KDR: variants seen among roughly 807,000 people sequenced by gnomAD.
The protein encoded by KDR is vascular endothelial growth factor receptor 2.
KDR carries 43 observed loss-of-function variants against 160.9 expected under a neutral mutation model. The observed-to-expected ratio is 0.27, with a 90% CI of 0.21 to 0.34. The LOEUF is 0.34. Ranked by LOEUF, KDR falls within the 10% of genes least tolerant of loss-of-function variation. KDR has a pLI of 1.00. For missense variants in KDR, 1,469 were observed against 1,666.4 expected (o/e 0.88, Z 2.06); for synonymous variants, 617 against 600.1 (o/e 1.03, Z -0.41).
At chr4:55,118,006 A>G (rs907921116) in intron 3 of KDR, among the ~76,000 whole-genome samples, 1 of 152,216 alleles carries the variant, frequency 6.6e-6, no homozygotes, top group Non-Finnish European at 1.5e-5. Flanking sequence ...ACATCCTAGA[A>G]AGATACAGCA....
At chr4:55,088,556 A>T (rs1719924682) in intron 26 of KDR, among the ~76,000 whole-genome samples, 1 of 152,194 alleles carries the variant, frequency 6.6e-6, no homozygotes, top group Non-Finnish European at 1.5e-5. Flanking sequence ...AATTTCTTCC[A>T]TTGTTGATCT....
intron 7 of KDR, among the ~76,000 whole-genome samples, chr4:55,111,573 G>C (rs1720583672): frequency 6.6e-6 from 1 of 152,064 alleles, no homozygotes; most frequent in African/African-American, 2.4e-5. Context: ...TTGGATAACT[G>C]CAATTAGCCT....
chr4:55,115,753 T>C (rs528325779), intron 3 of KDR, among the ~76,000 whole-genome samples: 3 of 152,240 alleles, frequency 2.0e-5, no homozygotes, highest in Non-Finnish European at 4.4e-5. Flanking sequence ...TTAATCATTA[T>C]AATTTTTTCA....
At chr4:55,111,949 C>T (rs1288022419) in intron 7 of KDR, among the ~76,000 whole-genome samples, 1 of 152,106 alleles carries the variant, frequency 6.6e-6, no homozygotes, top group Non-Finnish European at 1.5e-5. Context: ...TAATAAATAG[C>T]ATTATCTAAG....
rs138528215 is a variant in KDR at position 55,078,670 on chromosome 4, C to A, written c.*1271G>T. ...TATGTGCCATAGCATGTCTTATAGT[C>A]ATTGTTCCCAGCATTTCACACTATG... is the stretch of plus-strand genomic sequence containing the variant. On this transcript the variant is annotated 3_prime_UTR_variant, in exon 30 of 30. Transcript: ENST00000263923. The A allele has an allele frequency of 4.0e-4, 93 of 232,668 alleles. No individual in the cohort carries two copies. In the East Asian group the frequency reaches 5.5e-3, roughly 14 times the overall value. The allele number at this position is 232,668 out of a possible 1,614,324, so 14.4% of individuals were successfully genotyped here.
chr4:55,093,799 C>T (rs111586477), intron 21 of KDR, among the ~76,000 whole-genome samples: 2,955 of 152,282 alleles, frequency 0.019, 49 homozygotes, highest in Non-Finnish European at 0.029. Context: ...ACATCCACAA[C>T]GCTATCTCTG....
intron 7 of KDR, among the ~76,000 whole-genome samples, chr4:55,112,992 G>T (rs757942764): frequency 1.3e-5 from 2 of 152,138 alleles, no homozygotes; most frequent in Non-Finnish European, 1.5e-5. Flanking sequence ...GCAATAAAAT[G>T]AAAATTTAAA....
chr4:55,097,052 A>T (rs1247891387), intron 18 of KDR, among the ~76,000 whole-genome samples: 1 of 152,230 alleles, frequency 6.6e-6, no homozygotes, highest in Non-Finnish European at 1.5e-5. Context: ...CAATGAAAGA[A>T]CATCACAATT....
At position 55,080,148 on chromosome 4, in the gene KDR, G is replaced by GCTGGGCA. The variant is rs1468401268; in HGVS notation, c.3857_3863dup (p.Lys1289AlafsTer11). 1 of 1,613,284 alleles carries GCTGGGCA rather than the reference G, an allele frequency of 6.2e-7. No homozygotes were observed. Among genetic ancestry groups the GCTGGGCA allele is most frequent in the Non-Finnish European group, 8.5e-7 (1 of 1,179,990 alleles). On this transcript the variant is annotated frameshift_variant, in exon 30 of 30. Coordinates refer to ENST00000263923, the MANE Select transcript of KDR (RefSeq NM_002253.4). LOFTEE classifies it high-confidence loss of function. ...CAGATGCCACAGACTCCCTGCTTTT[G>GCTGGGCA]CTGGGCACCATTCCACTGCAGAAGA...
intron 27 of KDR, 24 bp downstream of exon 27, chr4:55,087,583 G>A: frequency 6.2e-7 from 1 of 1,612,578 alleles, no homozygotes; most frequent in Non-Finnish European, 8.5e-7. Context: ...CCTCCCCCGG[G>A]GGATGTTAGG....
intron 9 of KDR, 82 bp from the exon 10 acceptor site, chr4:55,107,975 C>G: frequency 6.7e-7 from 1 of 1,501,308 alleles, no homozygotes; most frequent in Non-Finnish European, 9.3e-7. Flanking sequence ...CTAAAGCTGA[C>G]TTTCTTTAAG....
chr4:55,092,542 A>G lies in KDR; in HGVS notation c.3069+75T>C, dbSNP rs751872282. Reference sequence around the variant, plus strand: ...GAATTACAATCCCAAACAAGCACCAATGGCTGACACTGGACATCTTATTTC... The same window carrying G: ...GAATTACAATCCCAAACAAGCACCAGTGGCTGACACTGGACATCTTATTTC... On this transcript the variant is annotated intron_variant, in intron 22 of 29. Coordinates refer to ENST00000263923, the MANE Select transcript of KDR (RefSeq NM_002253.4). 476 of 1,037,798 alleles carry G rather than the reference A, an allele frequency of 4.6e-4. 1 individual carries two copies. Among genetic ancestry groups the G allele is most frequent in the Non-Finnish European group, 6.3e-4 (417 of 657,454 alleles). The allele number at this position is 1,037,798 out of a possible 1,614,324, so 64.3% of individuals were successfully genotyped here.
intron 14 of KDR, among the ~76,000 whole-genome samples, 156 bp downstream of exon 14, chr4:55,102,206 G>A (rs1416655933): frequency 6.6e-6 from 1 of 152,096 alleles, no homozygotes; most frequent in Non-Finnish European, 1.5e-5. Context: ...AAATTCAACA[G>A]GGCCCCATAC....
Position 55,088,432 on chromosome 4 carries a change from C to T in KDR, c.3510+436G>A, listed in dbSNP as rs187586113. Among the ~76,000 whole-genome samples the T allele has an allele frequency of 2.7e-3, 409 of 152,304 alleles. 1 individual carries two copies. The highest frequency in any genetic ancestry group is 9.3e-3 in the African/African-American group (388 of 41,568). On this transcript the variant is annotated intron_variant, in intron 26 of 29. Coordinates refer to ENST00000263923, the MANE Select transcript of KDR (RefSeq NM_002253.4). Reference sequence around the variant, plus strand: ...CATTCTAATAGTAAACACTACAACTCTAAAATCTTCCAGTGGAAGTTATAA... The same window carrying T: ...CATTCTAATAGTAAACACTACAACTTTAAAATCTTCCAGTGGAAGTTATAA...
intron 21 of KDR, among the ~76,000 whole-genome samples, chr4:55,094,053 A>G (rs1720087017): frequency 6.6e-6 from 1 of 151,960 alleles, no homozygotes; most frequent in Non-Finnish European, 1.5e-5. Context: ...TACAAAAAAA[A>G]AAAAAATTAG....
chr4:55,118,500 A>G, intron 3 of KDR, 104 bp downstream of exon 3: 4 of 869,992 alleles, frequency 4.6e-6, no homozygotes, highest in Non-Finnish European at 1.9e-6. Context: ...CTTGGCAAAC[A>G]GCCTTTAGAG....
Position 55,080,121 on chromosome 4 carries a change from T to G in KDR, c.3891A>C (p.Glu1297Asp). Residue 1297 changes from glutamate (E) to aspartate (D), a missense_variant, in exon 30 of 30, where the codon GAA becomes GAC. Coordinates refer to ENST00000263923, the MANE Select transcript of KDR (RefSeq NM_002253.4). ...GGTAGCCGCTTGTCTGGTTTGAGCC[T>G]TCAGATGCCACAGACTCCCTGCTTT... ...PSKSRESVAS[E>D]GSNQTSGYQS... 1 of 1,613,916 alleles carries G rather than the reference T, an allele frequency of 6.2e-7. No homozygotes were observed. Among genetic ancestry groups the G allele is most frequent in the East Asian group, 2.2e-5 (1 of 44,886 alleles).
At chr4:55,113,777 C>G (rs928349343) in intron 6 of KDR, among the ~76,000 whole-genome samples, 4 of 152,172 alleles carry the variant, frequency 2.6e-5, no homozygotes, top group African/African-American at 9.7e-5. Flanking sequence ...TCTCATGCCA[C>G]CTCTTAAAGA....
chr4:55,094,296 G>A (rs1332990243), intron 21 of KDR, among the ~76,000 whole-genome samples: 2 of 152,086 alleles, frequency 1.3e-5, no homozygotes, highest in Non-Finnish European at 2.9e-5. Flanking sequence ...ATCAAGACTC[G>A]CCTGAGGAAG....
Sources: allele counts gnomAD v4.1 joint callset (sites outside exome capture counted in the v4.1 genomes callset), GRCh38; gene constraint gnomAD v4.1.1; transcripts MANE v1.5; gene names NCBI Gene and HGNC (gene_info 2026-07-23, HGNC 2026-07-21).